The following SPOCK3 variants were observed in gnomAD, a reference collection of about 807,000 sequenced individuals.
The protein encoded by SPOCK3 is SPARC (osteonectin), cwcv and kazal like domains proteoglycan 3.
In SPOCK3, 30 loss-of-function variants were observed where a neutral mutation model predicts 56.6. The observed-to-expected ratio is 0.53, with a 90% CI of 0.40 to 0.72. SPOCK3 has a LOEUF of 0.72. Among genes scored for constraint, SPOCK3 ranks in the 30% least tolerant of loss-of-function variants. The probability of loss-of-function intolerance (pLI) is 0.00; values close to 1 mark genes in which losing one functional copy is unlikely to be tolerated. For missense variants in SPOCK3, 527 were observed against 530.0 expected (o/e 0.99, Z 0.06); for synonymous variants, 196 against 183.3 (o/e 1.07, Z -0.56).
At chr4:167,060,789 T>C (rs1755522674) in intron 3 of SPOCK3, among the ~76,000 whole-genome samples, 1 of 152,094 alleles carries the variant, frequency 6.6e-6, no homozygotes, top group Non-Finnish European at 1.5e-5. Flanking sequence ...GGGTTCAGAC[T>C]GACTGAATGT....
At chr4:167,007,406 ATTTAT>A (rs1251339541) in intron 3 of SPOCK3, among the ~76,000 whole-genome samples, 3 of 152,146 alleles carry the variant, frequency 2.0e-5, no homozygotes, top group East Asian at 1.9e-4. Context: ...GGTATACTAT[ATTTAT>A]TTTATCAGTA....
At chr4:166,855,198 C>A (rs1730524919) in intron 6 of SPOCK3, among the ~76,000 whole-genome samples, 1 of 152,120 alleles carries the variant, frequency 6.6e-6, no homozygotes, top group African/African-American at 2.4e-5. Flanking sequence ...CCCTGACCCC[C>A]CAACAATCAG....
intron 2 of SPOCK3, among the ~76,000 whole-genome samples, chr4:167,099,452 T>C (rs971658106): frequency 6.6e-6 from 1 of 151,946 alleles, no homozygotes. Context: ...GATGCACATG[T>C]GACAAATAAC....
chr4:166,824,841 G>A (rs1228345217), intron 6 of SPOCK3, among the ~76,000 whole-genome samples: 1 of 152,150 alleles, frequency 6.6e-6, no homozygotes, highest in African/African-American at 2.4e-5. Flanking sequence ...ATTGACTGGA[G>A]TTCTCATATC....
intron 5 of SPOCK3, 41 bp from the exon 6 acceptor site, chr4:166,889,285 G>T: frequency 7.9e-7 from 1 of 1,263,654 alleles, no homozygotes; most frequent in Non-Finnish European, 1.1e-6. Flanking sequence ...AAATGCTTTA[G>T]TTATATCAGT....
intron 2 of SPOCK3, among the ~76,000 whole-genome samples, chr4:167,205,616 T>G (rs1734241278): frequency 1.8e-5 from 2 of 113,812 alleles, no homozygotes; most frequent in South Asian, 4.8e-4. Flanking sequence ...ATATAAAATA[T>G]CTATATATAT....
chr4:167,163,063 G>A (rs1056920314), intron 2 of SPOCK3, among the ~76,000 whole-genome samples: 6 of 150,916 alleles, frequency 4.0e-5, no homozygotes, highest in South Asian at 2.1e-4. Flanking sequence ...TTATATTAAA[G>A]TGTTATTTAA....
chr4:167,112,015 C>T (rs1760945632), intron 2 of SPOCK3, among the ~76,000 whole-genome samples: 1 of 152,108 alleles, frequency 6.6e-6, no homozygotes. Context: ...CTGCCCCAGC[C>T]TCCCAAAGTG....
intron 8 of SPOCK3, among the ~76,000 whole-genome samples, chr4:166,750,283 A>G (rs1349036052): frequency 6.6e-6 from 1 of 152,150 alleles, no homozygotes; most frequent in Non-Finnish European, 1.5e-5. Flanking sequence ...TCTAGATAAA[A>G]GAATAGTAAC....
chr4:166,876,395 TCCGTGG>T (rs1733088836), intron 6 of SPOCK3, among the ~76,000 whole-genome samples: 1 of 152,120 alleles, frequency 6.6e-6, no homozygotes, highest in African/African-American at 2.4e-5. Context: ...ATTTAGAAGC[TCCGTGG>T]AAGAGAGTTA....
intron 7 of SPOCK3, among the ~76,000 whole-genome samples, chr4:166,791,667 A>G (rs1267730259): frequency 6.6e-6 from 1 of 152,210 alleles, no homozygotes; most frequent in Non-Finnish European, 1.5e-5. Context: ...ATTAAAAAAA[A>G]TTGTAAGAGG....
At chr4:167,120,385 A>G (rs1052543039) in intron 2 of SPOCK3, among the ~76,000 whole-genome samples, 2 of 152,072 alleles carry the variant, frequency 1.3e-5, no homozygotes, top group African/African-American at 2.4e-5. Flanking sequence ...GAAATTTTAG[A>G]TATTATAATT....
At chr4:166,877,967 AT>A in intron 6 of SPOCK3, among the ~76,000 whole-genome samples, 1 of 152,224 alleles carries the variant, frequency 6.6e-6, no homozygotes, top group Admixed American at 6.5e-5. Context: ...AATATGAAAA[AT>A]GCTACCAGGA....
rs148250542 is a variant in SPOCK3 at position 167,028,975 on chromosome 4, T to C, written c.236-28512A>G. On this transcript the variant is annotated intron_variant, in intron 3 of 10. Transcript: ENST00000357545. ...ATGTGCAGGATGTGCAGGTTTGTTA[T>C]ATAGGTAAACGAGTGCCATGGTGGT... is the stretch of plus-strand genomic sequence containing the variant. 8.5e-5 allele frequency among the ~76,000 whole-genome samples: 13 copies of C among 152,100 alleles called. No homozygotes were observed. In the East Asian group the frequency reaches 2.3e-3, roughly 27 times the overall value.
chr4:166,921,609 C>T (rs931996828), intron 4 of SPOCK3, among the ~76,000 whole-genome samples: 3 of 150,876 alleles, frequency 2.0e-5, no homozygotes, highest in Non-Finnish European at 4.4e-5. Context: ...AGCCACTGCA[C>T]CCAGCCCGTG....
intron 8 of SPOCK3, among the ~76,000 whole-genome samples, chr4:166,750,555 G>GA (rs74340789): frequency 0.26 from 33,345 of 127,138 alleles, 4,450 homozygotes; most frequent in South Asian, 0.39. Flanking sequence ...AGGGAAGAAT[G>GA]AAAAAAAAAT....
At chr4:166,902,286 T>C (rs1216801555) in intron 5 of SPOCK3, among the ~76,000 whole-genome samples, 2 of 152,136 alleles carry the variant, frequency 1.3e-5, no homozygotes, top group African/African-American at 2.4e-5. Context: ...GGATGGACTT[T>C]ACTTTGGTAA....
chr4:167,087,370 ATG>A (rs1758293933), intron 2 of SPOCK3, among the ~76,000 whole-genome samples: 1 of 106,036 alleles, frequency 9.4e-6, no homozygotes, highest in Admixed American at 1.2e-4. Flanking sequence ...ATTTCAAAAC[ATG>A]TGTCATCACT....
chr4:166,937,934 C>CTTT (rs548107592), intron 4 of SPOCK3, among the ~76,000 whole-genome samples: 2,674 of 131,526 alleles, frequency 0.02, 32 homozygotes, highest in Middle Eastern at 0.038. Context: ...CGGCTAATCT[C>CTTT]TTTTTTTTTT....
Sources: allele counts gnomAD v4.1 joint callset (sites outside exome capture counted in the v4.1 genomes callset), GRCh38; gene constraint gnomAD v4.1.1; transcripts MANE v1.5; gene names NCBI Gene and HGNC (gene_info 2026-07-23, HGNC 2026-07-21).